GALK2: variants seen among roughly 807,000 people sequenced by gnomAD.
GALK2 encodes galactokinase 2.
In GALK2, 36 loss-of-function variants were observed where a neutral mutation model predicts 52.4. The ratio of observed to expected loss-of-function variants is 0.69; its 90% confidence interval spans 0.53 to 0.91. The LOEUF is 0.91. Among genes scored for constraint, GALK2 ranks in the 40% least tolerant of loss-of-function variants. GALK2 has a pLI of 0.00. For synonymous variants in GALK2, 176 were observed against 199.1 expected, an observed-to-expected ratio of 0.88 and a Z score of 0.98; for missense variants, 579 against 559.1, an observed-to-expected ratio of 1.04 and a Z score of -0.36.
rs2092036389 is a variant in GALK2 at position 49,260,285 on chromosome 15, A to G, written c.504+20918A>G. 2.0e-5 allele frequency among the ~76,000 whole-genome samples: 3 copies of G among 152,146 alleles called. No individual in the cohort carries two copies. The South Asian group carries it at 6.2e-4, about 32-fold the overall frequency. ...AATGATCGCCATTCTAACTGGTGTG[A>G]GATGGTATCTCATTGTGGTTTTGAT... On this transcript the variant is annotated intron_variant, in intron 5 of 9. Coordinates refer to ENST00000560031, the MANE Select transcript of GALK2 (RefSeq NM_002044.4).
intron 1 of GALK2, among the ~76,000 whole-genome samples, chr15:49,162,366 A>G (rs566631887): frequency 1.3e-5 from 2 of 152,194 alleles, no homozygotes; most frequent in African/African-American, 2.4e-5. Context: ...ATATATTACA[A>G]TTCATCTTAC....
At chr15:49,184,391 C>G (rs537310795) in intron 1 of GALK2, among the ~76,000 whole-genome samples, 1 of 152,174 alleles carries the variant, frequency 6.6e-6, no homozygotes, top group East Asian at 1.9e-4. Flanking sequence ...TGCTTGTAGG[C>G]AACAGATCAT....
intron 7 of GALK2, among the ~76,000 whole-genome samples, chr15:49,285,802 A>G (rs1260699661): frequency 6.6e-6 from 1 of 152,190 alleles, no homozygotes; most frequent in Non-Finnish European, 1.5e-5. Flanking sequence ...GACGGCTTAG[A>G]AATTTAAATC....
chr15:49,202,513 T>C (rs1199173097), intron 2 of GALK2, among the ~76,000 whole-genome samples: 1 of 152,236 alleles, frequency 6.6e-6, no homozygotes, highest in Non-Finnish European at 1.5e-5. Flanking sequence ...CTCATCCATG[T>C]TGCTGTGAAT....
intron 5 of GALK2, among the ~76,000 whole-genome samples, chr15:49,261,030 G>A (rs962651990): frequency 5.9e-5 from 9 of 152,030 alleles, no homozygotes; most frequent in African/African-American, 1.9e-4. Flanking sequence ...TTTTGGCTTA[G>A]GATTGGCTTG....
chr15:49,228,688 T>TATATATATGTATATATA, intron 3 of GALK2, among the ~76,000 whole-genome samples: 1 of 10,440 alleles, frequency 9.6e-5, no homozygotes, highest in Non-Finnish European at 1.8e-4. Flanking sequence ...TATATATATA[T>TATATATATGTATATATA]TTTTTTTTTT....
At chr15:49,304,494 T>TA (rs1273557512) in intron 8 of GALK2, among the ~76,000 whole-genome samples, 1 of 152,204 alleles carries the variant, frequency 6.6e-6, no homozygotes, top group Non-Finnish European at 1.5e-5. Context: ...AGGAGGAAGG[T>TA]AATGTTGTTA....
intron 5 of GALK2, among the ~76,000 whole-genome samples, chr15:49,243,474 T>A (rs1205979268): frequency 2.0e-5 from 3 of 152,172 alleles, no homozygotes; most frequent in African/African-American, 7.2e-5. Flanking sequence ...GATACTGACA[T>A]TTGGTGACCC....
chr15:49,249,279 A>G (rs149788919), intron 5 of GALK2, among the ~76,000 whole-genome samples: 10 of 152,332 alleles, frequency 6.6e-5, no homozygotes, highest in African/African-American at 1.9e-4. Flanking sequence ...AGAGTTACCT[A>G]TGCTGACTCC....
intron 3 of GALK2, among the ~76,000 whole-genome samples, chr15:49,340,194 T>A (rs1234955447): frequency 6.6e-6 from 1 of 152,162 alleles, no homozygotes. Flanking sequence ...TAGCTTGGTG[T>A]CTACCCAAAC....
intron 5 of GALK2, among the ~76,000 whole-genome samples, chr15:49,247,833 T>C (rs2091425640): frequency 6.6e-6 from 1 of 152,242 alleles, no homozygotes; most frequent in African/African-American, 2.4e-5. Flanking sequence ...CTTTTAAAAC[T>C]TTTTGACTAC....
intron 7 of GALK2, among the ~76,000 whole-genome samples, chr15:49,289,155 G>C (rs747933294): frequency 1.3e-5 from 2 of 152,088 alleles, no homozygotes; most frequent in Non-Finnish European, 2.9e-5. Context: ...TTTTCTGGTG[G>C]GCTGTGAGCT....
intron 2 of GALK2, among the ~76,000 whole-genome samples, chr15:49,209,082 A>G (rs1261128122): frequency 6.6e-6 from 1 of 152,140 alleles, no homozygotes; most frequent in Non-Finnish European, 1.5e-5. Flanking sequence ...GGCAGCAGAT[A>G]GTTGGTTGGT....
At chr15:49,157,149 T>C (rs1208100556) in intron 1 of GALK2, among the ~76,000 whole-genome samples, 1 of 152,222 alleles carries the variant, frequency 6.6e-6, no homozygotes, top group African/African-American at 2.4e-5. Context: ...ATACCAACTT[T>C]TAAATTGGTC....
intron 2 of GALK2, among the ~76,000 whole-genome samples, chr15:49,215,019 T>A (rs2141372599): frequency 6.6e-6 from 1 of 152,348 alleles, no homozygotes; most frequent in Admixed American, 6.5e-5. Context: ...AAAGTTGTTT[T>A]TCTTCAACAC....
chr15:49,279,788 T>C (rs1267749279), intron 5 of GALK2, among the ~76,000 whole-genome samples: 1 of 152,250 alleles, frequency 6.6e-6, no homozygotes, highest in African/African-American at 2.4e-5. Flanking sequence ...TCTGGGTATG[T>C]TGTTTCTCTA....
At chr15:49,355,607 C>T (rs1326302319) in intron 3 of GALK2, among the ~76,000 whole-genome samples, 2 of 152,122 alleles carry the variant, frequency 1.3e-5, no homozygotes, top group African/African-American at 2.4e-5. Context: ...ACCAAATCTA[C>T]GTCTGACTGG....
chr15:49,214,411 A>G (rs1010614135), intron 2 of GALK2, among the ~76,000 whole-genome samples: 5 of 146,848 alleles, frequency 3.4e-5, no homozygotes, highest in African/African-American at 1.3e-4. Context: ...GCTCACTTCA[A>G]CCTCTGCCTC....
In GALK2 at chr15:49,328,369, G is replaced by A; in HGVS notation, c.*210G>A. 1 of 1,429,920 alleles carries A rather than the reference G, an allele frequency of 7.0e-7. No individual in the cohort carries two copies. The highest frequency in any genetic ancestry group is 9.1e-7 in the Non-Finnish European group (1 of 1,095,672). 88.6% of individuals were successfully genotyped at this position (1,429,920 alleles called of 1,614,324 possible). A position where few individuals can be genotyped will look rare whatever the true frequency, so the allele number is the denominator to read the frequency against. The stretch of plus-strand genomic sequence containing the variant: ...TTAAAATATGGTTTTACTATTAAGA[G>A]CCAAGATCATGCTTGGACAGATCTT... On this transcript the variant is annotated 3_prime_UTR_variant, in exon 10 of 10. Transcript: ENST00000560031.
Sources: gnomAD v4.1 joint callset for allele counts (sites outside exome capture counted in the v4.1 genomes callset) on GRCh38, gnomAD v4.1.1 for gene constraint, MANE v1.5 for transcripts, NCBI Gene and HGNC (gene_info 2026-07-23, HGNC 2026-07-21) for gene names.